The following TLK1 variants were observed in gnomAD, a reference collection of about 807,000 sequenced individuals.
The protein encoded by TLK1 is serine/threonine-protein kinase tousled-like 1.
TLK1 carries 24 observed loss-of-function variants against 105.3 expected under a neutral mutation model. That is an observed-to-expected ratio of 0.23 (90% CI 0.17 to 0.32). TLK1 has a LOEUF of 0.32. Ranked by LOEUF, TLK1 falls within the 10% of genes least tolerant of loss-of-function variation. TLK1 has a pLI of 1.00. For synonymous variants in TLK1, 321 were observed against 310.4 expected, an observed-to-expected ratio of 1.03 and a Z score of -0.36; for missense variants, 558 against 910.5, an observed-to-expected ratio of 0.61 and a Z score of 4.98.
chr2:171,194,794 G>A (rs901106977), intron 1 of TLK1, among the ~76,000 whole-genome samples: 4 of 148,156 alleles, frequency 2.7e-5, no homozygotes, highest in African/African-American at 1.0e-4. Context: ...TCCAGCCTGG[G>A]CGACAGAGCG....
chr2:171,139,007 G>GT (rs1048644277), intron 1 of TLK1, among the ~76,000 whole-genome samples: 2 of 152,114 alleles, frequency 1.3e-5, no homozygotes, highest in Non-Finnish European at 2.9e-5. Context: ...CTAAAAGTCT[G>GT]TTTCGAAAGC....
chr2:171,217,017 G>C (rs543999103), intron 1 of TLK1, among the ~76,000 whole-genome samples: 1 of 152,000 alleles, frequency 6.6e-6, no homozygotes, highest in Non-Finnish European at 1.5e-5. Flanking sequence ...ACTTTTTTAC[G>C]GCAGCCCTAG....
At chr2:171,130,781 C>T (rs773004974) in intron 1 of TLK1, among the ~76,000 whole-genome samples, 72 of 152,080 alleles carry the variant, frequency 4.7e-4, no homozygotes, top group Non-Finnish European at 8.7e-4. Context: ...TACATGTCCA[C>T]GTAGACATGT....
Position 171,034,350 on chromosome 2 carries a change from CA to C in TLK1, c.1170-5946del, listed in dbSNP as rs150821951. 6.5e-3 allele frequency among the ~76,000 whole-genome samples: 983 copies of C among 152,160 alleles called. 13 individuals are homozygous for C. The highest frequency in any genetic ancestry group is 0.022 in the African/African-American group (917 of 41,500). On this transcript the variant is annotated intron_variant, in intron 11 of 20. Coordinates refer to ENST00000431350, the MANE Select transcript of TLK1 (RefSeq NM_012290.5). The stretch of plus-strand genomic sequence containing the variant: ...AAAGGGTGGAAACAACCTAAATGTC[CA>C]TCAATGAATGAATGAACAAATTGTG...
At chr2:171,210,291 A>G (rs1187616833) in intron 1 of TLK1, among the ~76,000 whole-genome samples, 2 of 149,608 alleles carry the variant, frequency 1.3e-5, no homozygotes, top group African/African-American at 4.9e-5. Flanking sequence ...TTTTTTTTTT[A>G]TAGGAGACAA....
At position 171,230,028 on chromosome 2, in the gene TLK1, T is replaced by TA. The variant is rs67070626; in HGVS notation, c.-6+1116dup. 1.8e-3 allele frequency among the ~76,000 whole-genome samples: 266 copies of TA among 147,366 alleles called. 1 individual carries two copies. Among genetic ancestry groups the TA allele is most frequent in the African/African-American group, 4.3e-3 (174 of 40,394 alleles). ...TATTCCAGAAAAATGCAAATTACAG[T>TA]AAAAAAAAAAGACTAATAAAAAGTG... On this transcript the variant is annotated intron_variant, in intron 1 of 20. Transcript: ENST00000521943.
rs2105314353 is a variant in TLK1, at chr2:171,191,990, C to G, written c.-6+39155G>C. Among the ~76,000 whole-genome samples, 2 of 152,234 alleles carry G rather than the reference C, an allele frequency of 1.3e-5. 1 individual carries two copies. Among genetic ancestry groups the G allele is most frequent in the Non-Finnish European group, 2.9e-5 (2 of 68,012 alleles). On this transcript the variant is annotated intron_variant, in intron 1 of 20. Transcript: ENST00000521943. ...TTTGACCACAGAATCCCTTTTACCT[C>G]AGAATACATTTTGAAAATTTTTGCC...
intron 12 of TLK1, among the ~76,000 whole-genome samples, chr2:171,018,033 G>A (rs1209086510): frequency 6.6e-6 from 1 of 152,228 alleles, no homozygotes; most frequent in African/African-American, 2.4e-5. Context: ...CTGAATGTCT[G>A]TGTTCCCTCA....
chr2:171,023,999 C>T (rs1685658087), intron 12 of TLK1, among the ~76,000 whole-genome samples: 2 of 152,158 alleles, frequency 1.3e-5, no homozygotes, highest in South Asian at 4.1e-4. Flanking sequence ...TCCACATGGG[C>T]ACAGGTAGAT....
At chr2:171,147,102 A>G (rs1008351888) in intron 1 of TLK1, among the ~76,000 whole-genome samples, 17 of 152,350 alleles carry the variant, frequency 1.1e-4, no homozygotes, top group Middle Eastern at 3.4e-3. Flanking sequence ...CTTCAAAAGT[A>G]TAAATTAAAT....
At chr2:171,057,421 T>G (rs1480056885) in intron 5 of TLK1, among the ~76,000 whole-genome samples, 3 of 152,058 alleles carry the variant, frequency 2.0e-5, no homozygotes, top group African/African-American at 7.2e-5. Flanking sequence ...CAAGAGACAT[T>G]TGTTGATTTG....
intron 10 of TLK1, among the ~76,000 whole-genome samples, chr2:171,046,754 G>C (rs73976243): frequency 6.6e-6 from 1 of 152,086 alleles, no homozygotes; most frequent in Admixed American, 6.5e-5. Flanking sequence ...CTAGTACCTA[G>C]TGTAGTGATC....
intron 2 of TLK1, among the ~76,000 whole-genome samples, chr2:171,117,466 T>C (rs1318413716): frequency 6.6e-6 from 1 of 152,090 alleles, no homozygotes; most frequent in Non-Finnish European, 1.5e-5. Context: ...CCATGGATAA[T>C]AAGGGCAGGA....
chr2:171,111,485 T>C (rs1430045297), intron 2 of TLK1, among the ~76,000 whole-genome samples: 2 of 151,292 alleles, frequency 1.3e-5, no homozygotes, highest in Non-Finnish European at 2.9e-5. Context: ...CTTGGGAGGC[T>C]GAGATAGAGG....
intron 1 of TLK1, among the ~76,000 whole-genome samples, chr2:171,218,977 G>A (rs7582508): frequency 0.24 from 36,249 of 151,974 alleles, 4,825 homozygotes; most frequent in East Asian, 0.47. Context: ...TTTGAGGTAG[G>A]TATTGTTTTC....
chr2:171,121,827 G>C (rs1690667706), intron 1 of TLK1, among the ~76,000 whole-genome samples: 1 of 152,096 alleles, frequency 6.6e-6, no homozygotes, highest in South Asian at 2.1e-4. Context: ...GCTTCCTCTA[G>C]GACCTCAACC....
rs182326450 is a variant in TLK1 at position 171,171,223 on chromosome 2, G to A, written c.-5-53366C>T. 1.5e-3 allele frequency among the ~76,000 whole-genome samples: 228 copies of A among 152,158 alleles called. 2 individuals carry two copies. Among genetic ancestry groups the A allele is most frequent in the Admixed American group, 0.013 (200 of 15,284 alleles). ...CTTGCTTTAAGACAGTGAAGAGACC[G>A]GGTGCAGTGGCTCATGCCTGTAATC... On this transcript the variant is annotated intron_variant, in intron 1 of 20. Coordinates refer to the TLK1 transcript ENST00000521943.
chr2:171,146,298 G>A (rs1035105562), intron 1 of TLK1, among the ~76,000 whole-genome samples: 15 of 144,150 alleles, frequency 1.0e-4, no homozygotes, highest in Middle Eastern at 7.2e-3. Context: ...TACTCCAGCC[G>A]GGACAACAGA....
chr2:171,172,745 T>C (rs1025934764), intron 1 of TLK1, among the ~76,000 whole-genome samples: 3 of 152,176 alleles, frequency 2.0e-5, no homozygotes, highest in Admixed American at 2.0e-4. Context: ...AACTAAAAGT[T>C]ACCTGAGGCC....
Sources: gnomAD v4.1 joint callset for allele counts (sites outside exome capture counted in the v4.1 genomes callset) on GRCh38, gnomAD v4.1.1 for gene constraint, MANE v1.5 for transcripts, NCBI Gene and HGNC (gene_info 2026-07-23, HGNC 2026-07-21) for gene names.